The following CRYGN variants were observed in gnomAD, a reference collection of about 807,000 sequenced individuals.
CRYGN encodes the protein gamma-crystallin N.
Under a neutral mutation model 19.2 loss-of-function variants are expected in CRYGN, and 17 were observed. That is an observed-to-expected ratio of 0.89 (90% CI 0.61 to 1.33). The LOEUF is 1.33. Ranked by LOEUF, CRYGN falls within the 40% of genes most tolerant of loss-of-function variation. The pLI, the probability that CRYGN is intolerant of heterozygous loss-of-function variation, is 0.00. For synonymous variants in CRYGN, 84 were observed against 85.8 expected, an observed-to-expected ratio of 0.98 and a Z score of 0.12; for missense variants, 239 against 239.6, an observed-to-expected ratio of 1.00 and a Z score of 0.02.
Position 151,437,990 on chromosome 7 carries a change from A to C in CRYGN, c.270+6T>G, listed in dbSNP as rs1269442496. ...GACTCAGCCTTCGGTGGACGGGCCC[A>C]CTCACCATTCCTACAGGCCGACAGG... On this transcript the variant is annotated splice_donor_region_variant and intron_variant, in intron 2 of 3. Coordinates refer to ENST00000337323, the MANE Select transcript of CRYGN (RefSeq NM_144727.3). 5.0e-6 allele frequency: 8 copies of C among 1,612,292 alleles called. No individual in the cohort carries two copies. In the East Asian group the frequency reaches 1.6e-4, roughly 31 times the overall value.
At position 151,435,165 on chromosome 7, in the gene CRYGN, T is replaced by C. The variant is rs1188099261; in HGVS notation, c.416+1015A>G. ...GCTCCCTGGCCTTGAACCTCTGTAGTATAGACGGCAAATTGTTCCTCAATT... is the reference window on the plus strand; with the variant it reads ...GCTCCCTGGCCTTGAACCTCTGTAGCATAGACGGCAAATTGTTCCTCAATT... On this transcript the variant is annotated intron_variant, in intron 3 of 3. Coordinates refer to ENST00000337323, the MANE Select transcript of CRYGN (RefSeq NM_144727.3). The surrounding 1 kb of genome is among the most constrained non-coding windows in gnomAD (Gnocchi z 4.2). Among the ~76,000 whole-genome samples the C allele has an allele frequency of 6.6e-6, 1 of 152,168 alleles. No individual in the cohort carries two copies. The highest frequency in any genetic ancestry group is 2.4e-5 in the African/African-American group (1 of 41,424).
In CRYGN at chr7:151,436,050, G is replaced by A; in HGVS notation, c.416+130C>T. 5 of 616,370 alleles carry A rather than the reference G, an allele frequency of 8.1e-6. No homozygotes were observed. The highest frequency in any genetic ancestry group is 1.2e-5 in the Non-Finnish European group (5 of 420,366). 38.2% of individuals were successfully genotyped at this position (616,370 alleles called of 1,614,324 possible). A position where few individuals can be genotyped will look rare whatever the true frequency, so the allele number is the denominator to read the frequency against. On this transcript the variant is annotated intron_variant, in intron 3 of 3. Coordinates refer to ENST00000337323, the MANE Select transcript of CRYGN (RefSeq NM_144727.3). The surrounding 1 kb of genome is among the most constrained non-coding windows in gnomAD (Gnocchi z 5.1). ...AAAGGAGAGGGCCTGTGGGGCCAGG[G>A]ACACGCTGCCCACTGCTGGAGGTCT... is the stretch of plus-strand genomic sequence containing the variant.
intron 3 of CRYGN, among the ~76,000 whole-genome samples, chr7:151,434,092 C>CGGAT (rs1801540746): frequency 6.6e-6 from 1 of 152,108 alleles, no homozygotes; most frequent in African/African-American, 2.4e-5. Context: ...GTGTCCCCTC[C>CGGAT]GGATCGAGGG....
chr7:151,432,325 G>T, intron 3 of CRYGN: 9 of 1,137,536 alleles, frequency 7.9e-6, no homozygotes, highest in Non-Finnish European at 1.0e-5. Flanking sequence ...CTGCCAGGAA[G>T]TCCCCCGGGA....
At chr7:151,437,422 C>G (rs1801643161) in intron 2 of CRYGN, among the ~76,000 whole-genome samples, 2 of 152,234 alleles carry the variant, frequency 1.3e-5, no homozygotes, top group African/African-American at 4.8e-5. Flanking sequence ...CTAGGAGCAG[C>G]TGGACCGAAA....
chr7:151,431,627 C>A lies in CRYGN; in HGVS notation c.417-1447G>T, dbSNP rs560903619. ...AGCCCACCTGTTCAAGCTAAGCCCC[C>A]ACCCTGACACTCACCACCACTAACT... On this transcript the variant is annotated intron_variant, in intron 3 of 3. Coordinates refer to ENST00000337323, the MANE Select transcript of CRYGN (RefSeq NM_144727.3). This position sits in a 1 kb window ranked among gnomAD's most constrained non-coding sequence, Gnocchi z 4.8. 5.9e-5 allele frequency among the ~76,000 whole-genome samples: 9 copies of A among 152,300 alleles called. No homozygotes were observed. The highest frequency in any genetic ancestry group is 2.1e-4 in the South Asian group (1 of 4,826).
chr7:151,432,125 C>T (rs978058667), intron 3 of CRYGN: 56 of 1,140,114 alleles, frequency 4.9e-5, no homozygotes, highest in Middle Eastern at 3.3e-4. Context: ...GAGCTGCGCC[C>T]GGCCATCCCG....
In CRYGN at chr7:151,429,938, C is replaced by T; in HGVS notation, c.*110G>A. ...CAGATATGACACACAGAAGGCTCCA[C>T]CTCCCTAACAAACTGGCAGAGAAAT... On this transcript the variant is annotated 3_prime_UTR_variant, in exon 4 of 4. Transcript: ENST00000337323. 1 of 741,582 alleles carries T rather than the reference C, an allele frequency of 1.3e-6. No individual in the cohort carries two copies. The highest frequency in any genetic ancestry group is 2.5e-6 in the Non-Finnish European group (1 of 399,062). The allele number at this position is 741,582 out of a possible 1,614,324, so 45.9% of individuals were successfully genotyped here.
Position 151,438,090 on chromosome 7 carries a change from C to T in CRYGN, c.176G>A (p.Gly59Asp). 2.5e-6 allele frequency: 4 copies of T among 1,613,084 alleles called. No homozygotes were observed. Among genetic ancestry groups the T allele is most frequent in the Non-Finnish European group, 3.4e-6 (4 of 1,179,004 alleles). Residue 59 changes from glycine to aspartate, a missense_variant, in exon 2 of 4, where the codon GGC becomes GAC. By Grantham distance (94) the Gly-to-Asp change is moderately conservative. Coordinates refer to ENST00000337323, the MANE Select transcript of CRYGN (RefSeq NM_144727.3). ...WVCFNHPDFR[G>D]QQFILEHGDY... ...GCCGTGCTCCAAGATGAACTGCTGG[C>T]CCCGGAAGTCGGGGTGATTGAAGCA...
chr7:151,432,351 C>A, intron 3 of CRYGN: 1 of 961,268 alleles, frequency 1.0e-6, no homozygotes, highest in South Asian at 5.2e-5. Context: ...GAGAGAAAAG[C>A]CTGCACAGCC....
At position 151,430,555 on chromosome 7, in the gene CRYGN, C is replaced by T. The variant is rs1034050921; in HGVS notation, c.417-375G>A. ...ACCACACTCAGGCCACCACACTGTG[C>T]GACAGAATCAGCCCCTGAGATTTTG... On this transcript the variant is annotated intron_variant, in intron 3 of 3. Transcript: ENST00000337323. This position sits in a 1 kb window ranked among gnomAD's most constrained non-coding sequence, Gnocchi z 5.2. 5.3e-5 allele frequency among the ~76,000 whole-genome samples: 8 copies of T among 152,166 alleles called. No individual in the cohort carries two copies. Among genetic ancestry groups the T allele is most frequent in the East Asian group, 1.9e-4 (1 of 5,186 alleles).
chr7:151,436,115 C>T lies in CRYGN; in HGVS notation c.416+65G>A. 7.7e-7 allele frequency: 1 copy of T among 1,306,130 alleles called. No homozygotes were observed. The allele number at this position is 1,306,130 out of a possible 1,614,324, so 80.9% of individuals were successfully genotyped here. A position where few individuals can be genotyped will look rare whatever the true frequency, so the allele number is the denominator to read the frequency against. ...CCACCACCCCTGTGTGGCGGGCAGC[C>T]TCCCACGCCTGGTGCTGAAGGGCCT... is the stretch of plus-strand genomic sequence containing the variant. On this transcript the variant is annotated intron_variant, in intron 3 of 3. Coordinates refer to ENST00000337323, the MANE Select transcript of CRYGN (RefSeq NM_144727.3). This position sits in a 1 kb window ranked among gnomAD's most constrained non-coding sequence, Gnocchi z 5.1.
intron 2 of CRYGN, 134 bp downstream of exon 2, chr7:151,437,862 G>GTA (rs1201491307): frequency 2.0e-6 from 3 of 1,535,346 alleles, no homozygotes; most frequent in East Asian, 2.4e-5. Context: ...GTGGCTCTGG[G>GTA]TATAGCTCCT....
At position 151,435,572 on chromosome 7, in the gene CRYGN, T is replaced by C. The variant is rs187146829; in HGVS notation, c.416+608A>G. On this transcript the variant is annotated intron_variant, in intron 3 of 3. Coordinates refer to ENST00000337323, the MANE Select transcript of CRYGN (RefSeq NM_144727.3). The surrounding 1 kb of genome is among the most constrained non-coding windows in gnomAD (Gnocchi z 4.2). ...CCCAAGTGTGGGGCAGACAAACCCA[T>C]CTGGGCCTGGGCAAAATTCCCCCAG... Among the ~76,000 whole-genome samples the C allele has an allele frequency of 6.6e-6, 1 of 152,214 alleles. No homozygotes were observed. Among genetic ancestry groups the C allele is most frequent in the African/African-American group, 2.4e-5 (1 of 41,526 alleles).
At position 151,436,046 on chromosome 7, in the gene CRYGN, C is replaced by T. The variant is rs1801596098; in HGVS notation, c.416+134G>A. On this transcript the variant is annotated intron_variant, in intron 3 of 3. Coordinates refer to ENST00000337323, the MANE Select transcript of CRYGN (RefSeq NM_144727.3). The surrounding 1 kb of genome is among the most constrained non-coding windows in gnomAD (Gnocchi z 5.1). ...GAGGAAAGGAGAGGGCCTGTGGGGCCAGGGACACGCTGCCCACTGCTGGAG... is the reference window on the plus strand; with the variant it reads ...GAGGAAAGGAGAGGGCCTGTGGGGCTAGGGACACGCTGCCCACTGCTGGAG... 3.4e-6 allele frequency: 2 copies of T among 593,850 alleles called. No individual in the cohort carries two copies. Among genetic ancestry groups the T allele is most frequent in the Non-Finnish European group, 5.0e-6 (2 of 400,774 alleles). 36.8% of individuals were successfully genotyped at this position (593,850 alleles called of 1,614,324 possible).
At chr7:151,439,684 C>A (rs1235078003) in intron 1 of CRYGN, among the ~76,000 whole-genome samples, 1 of 152,164 alleles carries the variant, frequency 6.6e-6, no homozygotes, top group Admixed American at 6.5e-5. Flanking sequence ...GGGTTGGAAT[C>A]CCAGAAGGAA....
rs1053584004 is a variant in CRYGN, at chr7:151,436,678, C to T, written c.271-353G>A. ...TCTGGGTGCTCAGCGTGGGGGACTC[C>T]GGCCCTGATCACAGCCACACACTCC... On this transcript the variant is annotated intron_variant, in intron 2 of 3. Coordinates refer to ENST00000337323, the MANE Select transcript of CRYGN (RefSeq NM_144727.3). The surrounding 1 kb of genome is among the most constrained non-coding windows in gnomAD (Gnocchi z 5.1). The T allele has an allele frequency of 3.7e-5, 6 of 164,074 alleles. No homozygotes were observed. The highest frequency in any genetic ancestry group is 6.6e-5 in the Non-Finnish European group (5 of 76,330). 10.2% of individuals were successfully genotyped at this position (164,074 alleles called of 1,614,324 possible). A position where few individuals can be genotyped will look rare whatever the true frequency, so the allele number is the denominator to read the frequency against.
rs556709116 is a variant in CRYGN at position 151,429,738 on chromosome 7, T to G, written c.*310A>C. 23 of 422,396 alleles carry G rather than the reference T, an allele frequency of 5.4e-5. No individual in the cohort carries two copies. Among genetic ancestry groups the G allele is most frequent in the African/African-American group, 4.4e-4 (22 of 50,060 alleles). 26.2% of individuals were successfully genotyped at this position (422,396 alleles called of 1,614,324 possible). The stretch of plus-strand genomic sequence containing the variant: ...ACAGAGCCTGGCATTAAGTCAGTGC[T>G]CCATAAATATTCATCAACATCATCA... On this transcript the variant is annotated 3_prime_UTR_variant, in exon 4 of 4. Transcript: ENST00000337323.
intron 1 of CRYGN, among the ~76,000 whole-genome samples, chr7:151,439,373 G>A (rs570378489): frequency 4.2e-4 from 64 of 152,206 alleles, no homozygotes; most frequent in Non-Finnish European, 7.9e-4. Flanking sequence ...TGGAGAGGGC[G>A]AGGGAGAGCC....
Sources: allele counts gnomAD v4.1 joint callset (sites outside exome capture counted in the v4.1 genomes callset), GRCh38; gene constraint gnomAD v4.1.1; non-coding constraint Gnocchi (gnomAD v3.1); transcripts MANE v1.5; gene names NCBI Gene and HGNC (gene_info 2026-07-23, HGNC 2026-07-21).